Variants in NPAS3 observed in about 807,000 individuals in gnomAD.
NPAS3 encodes the protein neuronal PAS domain-containing protein 3.
NPAS3 carries 14 observed loss-of-function variants against 73.1 expected under a neutral mutation model. That is an observed-to-expected ratio of 0.19 (90% CI 0.13 to 0.30). The LOEUF (loss-of-function observed/expected upper bound fraction) is 0.30. Ranked by LOEUF, NPAS3 falls within the 10% of genes least tolerant of loss-of-function variation. NPAS3 has a pLI of 1.00. For missense variants in NPAS3, 1,096 were observed against 1,250.0 expected, an observed-to-expected ratio of 0.88 and a Z score of 1.86; for synonymous variants, 620 against 541.5, an observed-to-expected ratio of 1.14 and a Z score of -2.01.
intron 5 of NPAS3, among the ~76,000 whole-genome samples, chr14:33,640,342 G>A (rs2058643512): frequency 2.0e-5 from 3 of 152,098 alleles, no homozygotes; most frequent in Admixed American, 6.5e-5. Flanking sequence ...CAGGCAAGTG[G>A]CCTGTAATAT....
intron 2 of NPAS3, among the ~76,000 whole-genome samples, chr14:33,080,385 C>T (rs1310117486): frequency 6.6e-6 from 1 of 152,168 alleles, no homozygotes; most frequent in Non-Finnish European, 1.5e-5. Context: ...GGATTACAGG[C>T]GTGAGCCACC....
At chr14:33,434,000 G>A (rs2048882246) in intron 4 of NPAS3, among the ~76,000 whole-genome samples, 1 of 152,104 alleles carries the variant, frequency 6.6e-6, no homozygotes. Flanking sequence ...AGACCAGCCT[G>A]GCTAACAAGG....
chr14:33,702,951 C>T (rs1049650746), intron 6 of NPAS3, among the ~76,000 whole-genome samples: 2 of 152,080 alleles, frequency 1.3e-5, no homozygotes, highest in African/African-American at 4.8e-5. Flanking sequence ...AGATATAAGC[C>T]ACATTATATG....
At chr14:33,731,702 T>C (rs2061406905) in intron 6 of NPAS3, among the ~76,000 whole-genome samples, 1 of 152,204 alleles carries the variant, frequency 6.6e-6, no homozygotes, top group Non-Finnish European at 1.5e-5. Flanking sequence ...CATTTCACAT[T>C]ATGGTGGCAT....
intron 7 of NPAS3, among the ~76,000 whole-genome samples, chr14:33,768,631 T>A (rs532178535): frequency 6.6e-6 from 1 of 152,188 alleles, no homozygotes; most frequent in African/African-American, 2.4e-5. Context: ...TAGAGATGAG[T>A]GAGAATTGTA....
At chr14:33,363,922 CTGTG>C (rs10627532) in intron 3 of NPAS3, among the ~76,000 whole-genome samples, 14 of 148,860 alleles carry the variant, frequency 9.4e-5, no homozygotes, top group African/African-American at 2.0e-4. Context: ...GCAATGCCCT[CTGTG>C]TGTGTGTGTG....
intron 2 of NPAS3, among the ~76,000 whole-genome samples, chr14:33,064,333 C>T (rs1278102805): frequency 6.6e-6 from 1 of 152,102 alleles, no homozygotes; most frequent in Non-Finnish European, 1.5e-5. Flanking sequence ...AATATACCTC[C>T]CTTAATTGTC....
At chr14:33,488,519 T>C (rs189239141) in intron 4 of NPAS3, among the ~76,000 whole-genome samples, 1 of 152,306 alleles carries the variant, frequency 6.6e-6, no homozygotes, top group East Asian at 1.9e-4. Flanking sequence ...GAACCCAAAA[T>C]GAACACATAC....
intron 2 of NPAS3, among the ~76,000 whole-genome samples, chr14:33,080,447 T>C (rs2041831268): frequency 6.6e-6 from 1 of 152,140 alleles, no homozygotes; most frequent in South Asian, 2.1e-4. Context: ...GACCCAAATA[T>C]GTAAAATAGT....
chr14:33,391,931 G>C (rs2047026282), intron 4 of NPAS3, among the ~76,000 whole-genome samples: 1 of 152,152 alleles, frequency 6.6e-6, no homozygotes, highest in South Asian at 2.1e-4. Flanking sequence ...TAAGAGAATG[G>C]TATTGATGAA....
chr14:33,803,545 T>A (rs1207505747), downstream of NPAS3: 4 of 152,202 alleles, frequency 2.6e-5, no homozygotes, highest in African/African-American at 7.2e-5. Context: ...ACTCTAGCTA[T>A]CGAACAATCA....
intron 4 of NPAS3, among the ~76,000 whole-genome samples, chr14:33,399,877 T>G (rs1170284467): frequency 6.6e-6 from 1 of 152,132 alleles, no homozygotes; most frequent in African/African-American, 2.4e-5. Context: ...ACTCAACTGT[T>G]AATTAGCTGT....
intron 5 of NPAS3, among the ~76,000 whole-genome samples, chr14:33,635,914 T>TGTAA (rs1379121353): frequency 6.6e-6 from 1 of 152,232 alleles, no homozygotes; most frequent in African/African-American, 2.4e-5. Flanking sequence ...CATGTCCACA[T>TGTAA]GTAAGTGTCA....
chr14:33,362,521 C>T (rs1276344757), intron 3 of NPAS3, among the ~76,000 whole-genome samples: 1 of 152,120 alleles, frequency 6.6e-6, no homozygotes, highest in Non-Finnish European at 1.5e-5. Flanking sequence ...TTCCATATTC[C>T]ATTCTTTCTC....
At chr14:33,051,371 A>G (rs1042328717) in intron 1 of NPAS3, among the ~76,000 whole-genome samples, 1 of 151,932 alleles carries the variant, frequency 6.6e-6, no homozygotes, top group African/African-American at 2.4e-5. Context: ...AAAAACTCTG[A>G]TTATAGAGCT....
intron 2 of NPAS3, among the ~76,000 whole-genome samples, chr14:33,136,196 G>T (rs961188439): frequency 6.6e-6 from 1 of 151,662 alleles, no homozygotes; most frequent in Non-Finnish European, 1.5e-5. Flanking sequence ...GAGAACCTGG[G>T]ACTACAGGCG....
intron 3 of NPAS3, among the ~76,000 whole-genome samples, chr14:33,325,527 T>G (rs549364031): frequency 6.6e-6 from 1 of 150,898 alleles, no homozygotes; most frequent in East Asian, 2.0e-4. Context: ...GTGCTTGTAA[T>G]CCCAGCTACA....
intron 1 of NPAS3, among the ~76,000 whole-genome samples, chr14:33,022,380 T>G (rs2039629357): frequency 6.6e-6 from 1 of 152,062 alleles, no homozygotes; most frequent in Admixed American, 6.6e-5. Flanking sequence ...AAATATTACT[T>G]TTGGCTGGGC....
At chr14:33,259,710 A>G (rs2048901123) in intron 3 of NPAS3, among the ~76,000 whole-genome samples, 1 of 152,220 alleles carries the variant, frequency 6.6e-6, no homozygotes, top group African/African-American at 2.4e-5. Context: ...AAGAATAAGT[A>G]AGGGCATGAA....
Sources: allele counts gnomAD v4.1 joint callset (sites outside exome capture counted in the v4.1 genomes callset), GRCh38; gene constraint gnomAD v4.1.1; transcripts MANE v1.5; gene names NCBI Gene and HGNC (gene_info 2026-07-23, HGNC 2026-07-21).